KXD1: variants seen among roughly 807,000 people sequenced by gnomAD.
KXD1 encodes the protein KxDL motif containing 1, also known as kxDL motif-containing protein 1.
In KXD1, 5 loss-of-function variants were observed where a neutral mutation model predicts 12.1. The ratio of observed to expected loss-of-function variants is 0.41; its 90% CI spans 0.22 to 0.87. The LOEUF (loss-of-function observed/expected upper bound fraction) is 0.87. Among genes scored for constraint, KXD1 ranks in the 40% least tolerant of loss-of-function variants. KXD1 has a pLI of 0.31. For missense variants in KXD1, 193 were observed against 244.9 expected, an observed-to-expected ratio of 0.79 and a Z score of 1.41; for synonymous variants, 98 against 100.5, an observed-to-expected ratio of 0.98 and a Z score of 0.15.
intron 1 of KXD1, among the ~76,000 whole-genome samples, chr19:18,560,789 C>G (rs1974892343): frequency 6.6e-6 from 1 of 151,966 alleles, no homozygotes; most frequent in Non-Finnish European, 1.5e-5. Context: ...TCACCACAAC[C>G]TCCGCCTCCT....
intron 3 of KXD1, among the ~76,000 whole-genome samples, chr19:18,565,378 T>C (rs1212341979): frequency 4.6e-5 from 7 of 151,874 alleles, no homozygotes; most frequent in Admixed American, 1.3e-4. Context: ...TACAGGTGCC[T>C]ACCACCACGC....
At position 18,562,111 on chromosome 19, in the gene KXD1, G is replaced by A; in HGVS notation, c.55G>A (p.Val19Met). Residue 19 changes from valine to methionine, a missense_variant, in exon 2 of 5, where the codon GTG becomes ATG. Coordinates refer to ENST00000222307, the MANE Select transcript of KXD1 (RefSeq NM_024069.4). ...RVFCGRILSM[V>M]NTDDVNAIIL... ...CTTCTGCGGCCGCATCCTGAGCATG[G>A]TGAACACAGATGATGTCAACGCCAT... 1 of 1,613,642 alleles carries A rather than the reference G, an allele frequency of 6.2e-7. No individual in the cohort carries two copies. The highest frequency in any genetic ancestry group is 8.5e-7 in the Non-Finnish European group (1 of 1,179,768).
intron 4 of KXD1, chr19:18,567,398 C>A: frequency 3.1e-6 from 2 of 654,304 alleles, no homozygotes; most frequent in Admixed American, 2.3e-5. Flanking sequence ...CGTGGGGAGG[C>A]CGCACAGGAG....
At chr19:18,560,580 T>G (rs981906074) in intron 1 of KXD1, 1 of 152,218 alleles carries the variant, frequency 6.6e-6, no homozygotes, top group Non-Finnish European at 1.5e-5. Context: ...GGCTTTAATT[T>G]GCTAATAAAA....
At position 18,568,268 on chromosome 19, in the gene KXD1, A is replaced by G; in HGVS notation, c.302-134A>G. ...GGCAAAGAGCGAAACTCCGTCTCAA[A>G]AAAAAAAAAAAAAAAGGGTCAAGTC... is the stretch of plus-strand genomic sequence containing the variant. On this transcript the variant is annotated intron_variant, in intron 4 of 4. Transcript: ENST00000222307. 2.3e-5 allele frequency: 9 copies of G among 390,890 alleles called. No individual in the cohort carries two copies. In the South Asian group the frequency reaches 3.6e-4, roughly 16 times the overall value. 24.2% of individuals were successfully genotyped at this position (390,890 alleles called of 1,614,324 possible).
At chr19:18,568,128 G>A (rs1450130066) in intron 4 of KXD1, among the ~76,000 whole-genome samples, 4 of 152,038 alleles carry the variant, frequency 2.6e-5, no homozygotes, top group African/African-American at 7.2e-5. Context: ...TTAGATGGGC[G>A]TGATGATGGG....
intron 3 of KXD1, 28 bp from the exon 4 acceptor site, chr19:18,567,104 A>C: frequency 6.2e-7 from 1 of 1,612,896 alleles, no homozygotes; most frequent in South Asian, 1.1e-5. Context: ...CAGCAGGTTA[A>C]GCCCTGTGTG....
At chr19:18,561,194 G>A (rs1382072061) in intron 1 of KXD1, among the ~76,000 whole-genome samples, 1 of 152,060 alleles carries the variant, frequency 6.6e-6, no homozygotes, top group Non-Finnish European at 1.5e-5. Context: ...TGTCAGCCTA[G>A]GAATTTAAGA....
intron 2 of KXD1, among the ~76,000 whole-genome samples, chr19:18,564,165 A>G (rs28711754): frequency 0.5 from 75,142 of 151,374 alleles, 19,737 homozygotes; most frequent in East Asian, 0.66. Context: ...AATTGCAGGC[A>G]TGAGCCCCCA....
chr19:18,563,932 G>A (rs1975063596), intron 2 of KXD1, among the ~76,000 whole-genome samples: 1 of 151,750 alleles, frequency 6.6e-6, no homozygotes, highest in Non-Finnish European at 1.5e-5. Context: ...TGTCACCCAG[G>A]CTGGAGTGCA....
intron 1 of KXD1, among the ~76,000 whole-genome samples, chr19:18,560,714 C>CT (rs11313029): frequency 3.0e-4 from 45 of 148,098 alleles, no homozygotes; most frequent in African/African-American, 7.0e-4. Context: ...TCTACTCCTT[C>CT]TTTTTTTTTT....
rs1465334602 is a variant in KXD1 at position 18,567,179 on chromosome 19, G to A, written c.301+1G>A. 3.1e-6 allele frequency: 5 copies of A among 1,613,920 alleles called. No individual in the cohort carries two copies. Among genetic ancestry groups the A allele is most frequent in the South Asian group, 1.1e-5 (1 of 91,072 alleles). ...AGGCAGCACCCAGAGGCCTTCAGCC[G>A]TAAGTGTCACGCAGGGTTCCTGCTC... On this transcript the variant is annotated splice_donor_variant, in intron 4 of 4. Coordinates refer to ENST00000222307, the MANE Select transcript of KXD1 (RefSeq NM_024069.4). LOFTEE classifies it high-confidence loss of function.
At chr19:18,567,951 G>C (rs1975334470) in intron 4 of KXD1, among the ~76,000 whole-genome samples, 1 of 152,126 alleles carries the variant, frequency 6.6e-6, no homozygotes, top group African/African-American at 2.4e-5. Context: ...CTGGGCCTCA[G>C]TTTTCTCCTC....
At chr19:18,560,683 G>A (rs1974888115) in intron 1 of KXD1, 1 of 151,744 alleles carries the variant, frequency 6.6e-6, no homozygotes. Flanking sequence ...CTCCGGGTCG[G>A]GTTCTGGTGA....
At chr19:18,563,135 A>G (rs576312270) in intron 2 of KXD1, among the ~76,000 whole-genome samples, 1 of 151,662 alleles carries the variant, frequency 6.6e-6, no homozygotes, top group South Asian at 2.1e-4. Context: ...TTCTTCTTCC[A>G]ATGTGGCCCA....
At chr19:18,566,573 C>T (rs1156237373) in intron 3 of KXD1, among the ~76,000 whole-genome samples, 2 of 151,974 alleles carry the variant, frequency 1.3e-5, no homozygotes, top group Admixed American at 1.3e-4. Flanking sequence ...GGCAGATCAC[C>T]TGAGGTCAGA....
At chr19:18,565,791 G>A (rs564018340) in intron 3 of KXD1, among the ~76,000 whole-genome samples, 2 of 152,204 alleles carry the variant, frequency 1.3e-5, no homozygotes, top group African/African-American at 4.8e-5. Flanking sequence ...AGGTTCAAGC[G>A]ATTCTCCTGC....
Position 18,567,176 on chromosome 19 carries a change from G to A in KXD1, c.299G>A (p.Ser100Asn). The change falls in exon 4 of 5, where the codon AGC becomes AAC. Residue 100 changes from serine to asparagine, a missense_variant and splice_region_variant. Physicochemically the swap from Ser to Asn is conservative, Grantham distance 46. Transcript: ENST00000222307. ...GCCAGGCAGCACCCAGAGGCCTTCA[G>A]CCGTAAGTGTCACGCAGGGTTCCTG... ...KLARQHPEAF[S>N]HIPEASFLEE... 1 of 1,614,170 alleles carries A rather than the reference G, an allele frequency of 6.2e-7. No individual in the cohort carries two copies. Among genetic ancestry groups the A allele is most frequent in the Admixed American group, 1.7e-5 (1 of 60,026 alleles).
Position 18,562,864 on chromosome 19 carries a change from A to G in KXD1, c.101+707A>G, listed in dbSNP as rs138066528. ...GTGCCCAGGGTCTCTTGGAGCGGACATAAAGGCCTCTTGTCCTCACTGGGG... is the reference window on the plus strand; with the variant it reads ...GTGCCCAGGGTCTCTTGGAGCGGACGTAAAGGCCTCTTGTCCTCACTGGGG... On this transcript the variant is annotated intron_variant, in intron 2 of 4. Transcript: ENST00000222307. Among the ~76,000 whole-genome samples the G allele has an allele frequency of 2.8e-3, 420 of 152,352 alleles. 2 individuals are homozygous for G. The highest frequency in any genetic ancestry group is 9.8e-3 in the African/African-American group (408 of 41,580).
Sources: allele counts gnomAD v4.1 joint callset (sites outside exome capture counted in the v4.1 genomes callset), GRCh38; gene constraint gnomAD v4.1.1; transcripts MANE v1.5; gene names NCBI Gene and HGNC (gene_info 2026-07-23, HGNC 2026-07-21).